ATP1A1: variants seen among roughly 807,000 people sequenced by gnomAD.
ATP1A1 encodes sodium/potassium-transporting ATPase subunit alpha-1.
In ATP1A1, 14 loss-of-function variants were observed where a neutral mutation model predicts 114.8. That is an observed-to-expected ratio of 0.12 (90% CI 0.08 to 0.19). The LOEUF (loss-of-function observed/expected upper bound fraction) is 0.19, where lower values mean the gene tolerates loss of function less well. Among genes scored for constraint, ATP1A1 ranks in the 10% least tolerant of loss-of-function variants. The pLI, the probability that ATP1A1 is intolerant of heterozygous loss-of-function variation, is 1.00. For missense variants in ATP1A1, 524 were observed against 1,290.7 expected (o/e 0.41, Z 9.10); for synonymous variants, 471 against 466.3 (o/e 1.01, Z -0.13).
At chr1:116,386,987 C>G (rs532874162) in intron 3 of ATP1A1, among the ~76,000 whole-genome samples, 77 of 152,188 alleles carry the variant, frequency 5.1e-4, no homozygotes, top group Non-Finnish European at 9.1e-4. Context: ...TGGCATTAAT[C>G]CCTTGATCTA....
At chr1:116,379,860 C>T (rs2101032987) in intron 1 of ATP1A1, among the ~76,000 whole-genome samples, 1 of 152,332 alleles carries the variant, frequency 6.6e-6, no homozygotes, top group East Asian at 1.9e-4. Context: ...ACTTGGCAGC[C>T]TCTAGGGAAC....
chr1:116,373,370 TCCC>T lies in ATP1A1; in HGVS notation c.-141_-139del. ...CATCGGCCCGAGCCGCCGGCCGCCC[TCCC>T]ACCCTCCCGCCCCGCGGCAGCCCTA... On this transcript the variant is annotated 5_prime_UTR_variant, in exon 1 of 23. Coordinates refer to ENST00000295598, the MANE Select transcript of ATP1A1 (RefSeq NM_000701.8). 12 of 333,830 alleles carry T rather than the reference TCCC, an allele frequency of 3.6e-5. No individual in the cohort carries two copies. The highest frequency in any genetic ancestry group is 1.1e-3 in the Middle Eastern group (1 of 942). The allele number at this position is 333,830 out of a possible 1,614,324, so 20.7% of individuals were successfully genotyped here. A position where few individuals can be genotyped will look rare whatever the true frequency, so the allele number is the denominator to read the frequency against.
intron 12 of ATP1A1, among the ~76,000 whole-genome samples, chr1:116,394,162 G>A (rs1652708952): frequency 6.6e-6 from 1 of 152,130 alleles, no homozygotes; most frequent in South Asian, 2.1e-4. Context: ...ATTTACATGA[G>A]CACTTATGTG....
At chr1:116,379,199 GTCGCTGT>G (rs1423573713) in intron 1 of ATP1A1, among the ~76,000 whole-genome samples, 1 of 152,214 alleles carries the variant, frequency 6.6e-6, no homozygotes, top group African/African-American at 2.4e-5. Flanking sequence ...GGCTAGAACT[GTCGCTGT>G]TCTTTGACCC....
intron 1 of ATP1A1, among the ~76,000 whole-genome samples, chr1:116,377,515 T>A (rs1651453462): frequency 6.6e-6 from 1 of 152,262 alleles, no homozygotes; most frequent in African/African-American, 2.4e-5. Context: ...TTATTGCAAC[T>A]GTTATCTTCG....
At position 116,390,366 on chromosome 1, in the gene ATP1A1, T is replaced by C; in HGVS notation, c.1177T>C (p.Phe393Leu). The C allele has an allele frequency of 3.7e-6, 6 of 1,614,050 alleles. No individual in the cohort carries two copies. The highest frequency in any genetic ancestry group is 5.1e-6 in the Non-Finnish European group (6 of 1,180,002). Residue 393 changes from phenylalanine to leucine, a missense_variant, in exon 9 of 23, where the codon TTT becomes CTT. Transcript: ENST00000295598. ...CCGGATGACAGTGGCCCACATGTGG[T>C]TTGACAATCAAATCCATGAAGCTGA... ...QNRMTVAHMW[F>L]DNQIHEADTT...
At position 116,373,426 on chromosome 1, in the gene ATP1A1, C is replaced by A. The variant is rs763248395; in HGVS notation, c.-86C>A. On this transcript the variant is annotated 5_prime_UTR_variant, in exon 1 of 23. Transcript: ENST00000295598. ...TCCCTCCACTTGGCTCCCCTGGTCCCGCTCGCTCGGCCGGGAGCTGCTCTG... is the reference window on the plus strand; with the variant it reads ...TCCCTCCACTTGGCTCCCCTGGTCCAGCTCGCTCGGCCGGGAGCTGCTCTG... 6.9e-7 allele frequency: 1 copy of A among 1,446,548 alleles called. No homozygotes were observed. Among genetic ancestry groups the A allele is most frequent in the South Asian group, 1.3e-5 (1 of 76,688 alleles). 89.6% of individuals were successfully genotyped at this position (1,446,548 alleles called of 1,614,324 possible).
chr1:116,380,821 C>T lies in ATP1A1; in HGVS notation c.13-3193C>T, dbSNP rs569987743. Among the ~76,000 whole-genome samples, 104 of 152,236 alleles carry T rather than the reference C, an allele frequency of 6.8e-4. 1 individual carries two copies. The highest frequency in any genetic ancestry group is 1.7e-3 in the South Asian group (8 of 4,822). On this transcript the variant is annotated intron_variant, in intron 1 of 22. Coordinates refer to ENST00000295598, the MANE Select transcript of ATP1A1 (RefSeq NM_000701.8). ...TAGTTAATCTTTGAGAGGATAGAATCCATGGGAAGCACAGGATGAAATGAT... is the reference window on the plus strand; with the variant it reads ...TAGTTAATCTTTGAGAGGATAGAATTCATGGGAAGCACAGGATGAAATGAT...
Position 116,387,295 on chromosome 1 carries a change from C to G in ATP1A1, c.191C>G (p.Thr64Arg), listed in dbSNP as rs1158326714. Residue 64 changes from threonine to arginine, a missense_variant, in exon 4 of 23, where the codon ACA (threonine) becomes AGA (arginine). Thr to Arg is a moderately conservative substitution (Grantham distance 71, BLOSUM62 -1). This residue lies in a region of ATP1A1 where 141 missense variants were observed against 316.6 expected (regional missense o/e 0.45). Coordinates refer to ENST00000295598, the MANE Select transcript of ATP1A1 (RefSeq NM_000701.8). This position sits in a 1 kb window ranked among gnomAD's most constrained non-coding sequence, Gnocchi z 6.7. ...TATTCCACTGCTTCTCAGGGATTAA[C>G]ATCTGCTCGTGCAGCTGAGATCCTG... Reference protein sequence around the residue: ...KYGTDLSRGLTSARAAEILAR... With the variant: ...KYGTDLSRGLRSARAAEILAR... 3 of 1,614,104 alleles carry G rather than the reference C, an allele frequency of 1.9e-6. No homozygotes were observed. The highest frequency in any genetic ancestry group is 1.7e-5 in the Admixed American group (1 of 60,024).
At chr1:116,374,250 T>C (rs1199382060) in intron 1 of ATP1A1, 13 of 1,551,608 alleles carry the variant, frequency 8.4e-6, no homozygotes, top group African/African-American at 1.4e-5. Flanking sequence ...AGGTATACTT[T>C]TGAGGGCTTT....
At chr1:116,374,227 A>G (rs1408615373) in intron 1 of ATP1A1, 1 of 1,551,616 alleles carries the variant, frequency 6.4e-7, no homozygotes, top group Non-Finnish European at 8.7e-7. Flanking sequence ...TCACTGCCCT[A>G]AGATGGCCTT....
At chr1:116,394,273 A>G (rs1489046924) in intron 12 of ATP1A1, among the ~76,000 whole-genome samples, 1 of 152,104 alleles carries the variant, frequency 6.6e-6, no homozygotes, top group Non-Finnish European at 1.5e-5. Context: ...CACTTTACCC[A>G]TTGTCTAATG....
intron 1 of ATP1A1, among the ~76,000 whole-genome samples, chr1:116,377,193 C>T (rs1651428645): frequency 1.3e-5 from 2 of 152,226 alleles, no homozygotes; most frequent in South Asian, 4.1e-4. Context: ...GCTTCAGTTT[C>T]TCATCTGGCT....
At chr1:116,374,090 C>G in intron 1 of ATP1A1, 1 of 1,442,224 alleles carries the variant, frequency 6.9e-7, no homozygotes. Context: ...GTTCGGGGCT[C>G]CTTCTCCTGG....
In ATP1A1 at chr1:116,398,801, T is replaced by G. The variant is rs566779620; in HGVS notation, c.2293+12T>G. ...TGGAGTAGAGGAAGGTGAGAGCTAT[T>G]TAAGGTGTACACCAAGATCTTATTC... On this transcript the variant is annotated intron_variant, in intron 16 of 22. Coordinates refer to ENST00000295598, the MANE Select transcript of ATP1A1 (RefSeq NM_000701.8). This position sits in a 1 kb window ranked among gnomAD's most constrained non-coding sequence, Gnocchi z 6.1. 15 of 1,613,786 alleles carry G rather than the reference T, an allele frequency of 9.3e-6. No homozygotes were observed. In the African/African-American group the frequency reaches 1.1e-4, roughly 11 times the overall value.
In ATP1A1 at chr1:116,389,584, G is replaced by A. The variant is rs1373969191; in HGVS notation, c.900G>A (p.Val300=). 1 of 1,614,218 alleles carries A rather than the reference G, an allele frequency of 6.2e-7. No homozygotes were observed. The highest frequency in any genetic ancestry group is 1.7e-5 in the Admixed American group (1 of 60,030). The change falls in exon 8 of 23, where the codon GTG becomes GTA. Residue 300 remains valine (V), a synonymous_variant. Coordinates refer to ENST00000295598, the MANE Select transcript of ATP1A1 (RefSeq NM_000701.8). This position sits in a 1 kb window ranked among gnomAD's most constrained non-coding sequence, Gnocchi z 6.9. ...TCCACATCATCACGGGTGTGGCTGTGTTCCTGGGTGTGTCTTTCTTCATCC... is the reference window on the plus strand; with the variant it reads ...TCCACATCATCACGGGTGTGGCTGTATTCCTGGGTGTGTCTTTCTTCATCC... The part of the protein sequence containing the change: ...HFIHIITGVA[V]FLGVSFFILS...
At position 116,388,054 on chromosome 1, in the gene ATP1A1, A is replaced by G. The variant is rs142322099; in HGVS notation, c.388-77A>G. ...TTTCTCTATTAAAAATCTGTTTTTT[A>G]TTCAGTCAAAAAATTAATTGAATGT... On this transcript the variant is annotated intron_variant, in intron 4 of 22. Coordinates refer to ENST00000295598, the MANE Select transcript of ATP1A1 (RefSeq NM_000701.8). This position sits in a 1 kb window ranked among gnomAD's most constrained non-coding sequence, Gnocchi z 5.6. 4.4e-4 allele frequency: 420 copies of G among 948,328 alleles called. 1 individual carries two copies. In the African/African-American group the frequency reaches 5.9e-3, roughly 13 times the overall value. The allele number at this position is 948,328 out of a possible 1,614,324, so 58.7% of individuals were successfully genotyped here. A position where few individuals can be genotyped will look rare whatever the true frequency, so the allele number is the denominator to read the frequency against.
intron 1 of ATP1A1, among the ~76,000 whole-genome samples, chr1:116,378,404 G>C (rs1198963317): frequency 6.6e-6 from 1 of 152,190 alleles, no homozygotes; most frequent in Non-Finnish European, 1.5e-5. Context: ...ACTATTGGCT[G>C]TCTCAGTGAT....
Position 116,388,267 on chromosome 1 carries a change from C to A in ATP1A1, c.501+23C>A. ...CAGGTACCAGACGCTTTGTCCTTCC[C>A]CAGTGGATGACTTGACAGCCCCAAG... is the stretch of plus-strand genomic sequence containing the variant. On this transcript the variant is annotated intron_variant, in intron 5 of 22. Coordinates refer to ENST00000295598, the MANE Select transcript of ATP1A1 (RefSeq NM_000701.8). The surrounding 1 kb of genome is among the most constrained non-coding windows in gnomAD (Gnocchi z 5.6). 6.4e-7 allele frequency: 1 copy of A among 1,554,712 alleles called. No individual in the cohort carries two copies. The highest frequency in any genetic ancestry group is 8.9e-7 in the Non-Finnish European group (1 of 1,126,432).
Sources: allele counts gnomAD v4.1 joint callset (sites outside exome capture counted in the v4.1 genomes callset), GRCh38; gene constraint gnomAD v4.1.1; regional missense constraint gnomAD v4.1.1; non-coding constraint Gnocchi (gnomAD v3.1); transcripts MANE v1.5; gene names NCBI Gene and HGNC (gene_info 2026-07-23, HGNC 2026-07-21).